Variants in ATR observed in about 807,000 individuals in gnomAD.
The protein encoded by ATR is ATR checkpoint kinase, also known as serine/threonine-protein kinase ATR.
Under a neutral mutation model 305.3 loss-of-function variants are expected in ATR, and 142 were observed. That is an observed-to-expected ratio of 0.47 (90% CI 0.41 to 0.53). The LOEUF (loss-of-function observed/expected upper bound fraction) is 0.53, where lower values mean the gene tolerates loss of function less well. Among genes scored for constraint, ATR ranks in the 20% least tolerant of loss-of-function variants. ATR has a pLI of 0.00. For missense variants in ATR, 2,135 were observed against 3,133.1 expected (o/e 0.68, Z 7.60); for synonymous variants, 1,050 against 1,068.1 (o/e 0.98, Z 0.33).
chr3:142,551,250 C>G (rs1385877410), intron 13 of ATR, among the ~76,000 whole-genome samples: 1 of 151,948 alleles, frequency 6.6e-6, no homozygotes, highest in African/African-American at 2.4e-5. Context: ...TCTCTAAAAC[C>G]CCATCTCTAC....
At chr3:142,450,946 A>G in intron 46 of ATR, 1 of 1,208,980 alleles carries the variant, frequency 8.3e-7, no homozygotes, top group Admixed American at 3.8e-5. Context: ...CACCTCAGAA[A>G]AGAAAAACCC....
rs1314265708 is a variant in ATR at position 142,533,262 on chromosome 3, T to A, written c.3945+1818A>T. Among the ~76,000 whole-genome samples, 3 of 152,272 alleles carry A rather than the reference T, an allele frequency of 2.0e-5. No homozygotes were observed. The East Asian group carries it at 5.8e-4, about 29-fold the overall frequency. The stretch of plus-strand genomic sequence containing the variant: ...GGGAGCTATCATCACACCCCTGTAC[T>A]GGAGAGACCCTGCCTCTAAAAGTAA... On this transcript the variant is annotated intron_variant, in intron 21 of 46. Coordinates refer to ENST00000350721, the MANE Select transcript of ATR (RefSeq NM_001184.4).
chr3:142,538,442 TA>T, intron 19 of ATR, 39 bp downstream of exon 19: 3 of 1,587,278 alleles, frequency 1.9e-6, no homozygotes, highest in Non-Finnish European at 2.6e-6. Context: ...AAATACAGTT[TA>T]AAAAGTTATT....
At chr3:142,472,899 C>G (rs1418757269) in intron 36 of ATR, among the ~76,000 whole-genome samples, 1 of 152,194 alleles carries the variant, frequency 6.6e-6, no homozygotes, top group African/African-American at 2.4e-5. Context: ...CTGAGCCTCT[C>G]AAAGTGCTGG....
intron 45 of ATR, 63 bp downstream of exon 45, chr3:142,457,541 T>C (rs951775769): frequency 1.2e-6 from 2 of 1,600,356 alleles, no homozygotes; most frequent in South Asian, 1.1e-5. Context: ...AACAAACATA[T>C]GTAGGGGCCA....
chr3:142,476,549 T>C (rs1358992772), intron 36 of ATR, among the ~76,000 whole-genome samples: 1 of 152,208 alleles, frequency 6.6e-6, no homozygotes, highest in Non-Finnish European at 1.5e-5. Context: ...CTTTGTTCTT[T>C]TGGCTTAGGA....
chr3:142,466,761 T>C (rs947660773), intron 39 of ATR, among the ~76,000 whole-genome samples: 1 of 152,154 alleles, frequency 6.6e-6, no homozygotes, highest in Non-Finnish European at 1.5e-5. Flanking sequence ...TAATCTATTA[T>C]CAAATATTAG....
chr3:142,496,528 AAGT>A lies in ATR; in HGVS notation c.5739-11_5739-9del, dbSNP rs780524680. 4 of 1,607,860 alleles carry A rather than the reference AAGT, an allele frequency of 2.5e-6. No individual in the cohort carries two copies. The highest frequency in any genetic ancestry group is 1.1e-5 in the South Asian group (1 of 90,926). On this transcript the variant is annotated splice_polypyrimidine_tract_variant and intron_variant, in intron 33 of 46. Coordinates refer to ENST00000350721, the MANE Select transcript of ATR (RefSeq NM_001184.4). ...ATTTCATTGTAATCTGGTCTAAAGG[AAGT>A]AACAACACATTGGTGAGAGAGACCA...
At chr3:142,461,884 C>A (rs1052955685) in intron 42 of ATR, 56 bp downstream of exon 42, 3 of 1,542,306 alleles carry the variant, frequency 1.9e-6, no homozygotes, top group Non-Finnish European at 2.7e-6. Flanking sequence ...CCAATTATAC[C>A]CATATTATAT....
intron 36 of ATR, among the ~76,000 whole-genome samples, chr3:142,480,890 C>T (rs1232076305): frequency 6.6e-6 from 1 of 152,228 alleles, no homozygotes; most frequent in Non-Finnish European, 1.5e-5. Flanking sequence ...CAGAGCCATG[C>T]ACGGGATATA....
chr3:142,515,078 A>T (rs571163363), intron 25 of ATR, among the ~76,000 whole-genome samples: 37 of 152,168 alleles, frequency 2.4e-4, no homozygotes, highest in Non-Finnish European at 7.4e-5. Flanking sequence ...TCTTTTTATT[A>T]TGTAAAAAAC....
At chr3:142,453,091 G>A (rs1180342392) in intron 46 of ATR, 37 bp downstream of exon 46, 2 of 1,613,212 alleles carry the variant, frequency 1.2e-6, no homozygotes, top group Non-Finnish European at 1.7e-6. Context: ...GTAGAGATGA[G>A]GACTACAGCC....
chr3:142,463,694 T>C (rs761797949), intron 41 of ATR, among the ~76,000 whole-genome samples: 7 of 152,214 alleles, frequency 4.6e-5, no homozygotes, highest in African/African-American at 1.7e-4. Context: ...CCAAATAATA[T>C]GTTAAAATAA....
intron 21 of ATR, among the ~76,000 whole-genome samples, chr3:142,532,487 A>G (rs1455415461): frequency 6.6e-6 from 1 of 152,204 alleles, no homozygotes; most frequent in Non-Finnish European, 1.5e-5. Flanking sequence ...CACTGAGCTT[A>G]GAAGTCTTCT....
intron 25 of ATR, among the ~76,000 whole-genome samples, chr3:142,513,966 T>C (rs998079635): frequency 6.6e-6 from 1 of 152,038 alleles, no homozygotes; most frequent in Non-Finnish European, 1.5e-5. Flanking sequence ...TTTCAGTATA[T>C]TCATTAAAAA....
rs772220070 is a variant in ATR, at chr3:142,578,718, G to C, written c.-14C>G. The C allele has an allele frequency of 1.2e-6, 2 of 1,611,090 alleles. No individual in the cohort carries two copies. The highest frequency in any genetic ancestry group is 1.7e-6 in the Non-Finnish European group (2 of 1,179,412). On this transcript the variant is annotated 5_prime_UTR_variant, in exon 1 of 47. Transcript: ENST00000350721. ...ATGTTCCCCCATGCTGAGGCTGCGA[G>C]GCACTAGTCAACCACGCCAACGCGG...
At chr3:142,451,544 A>C in intron 46 of ATR, 1 of 1,359,430 alleles carries the variant, frequency 7.4e-7, no homozygotes, top group Non-Finnish European at 9.6e-7. Context: ...CTATATCCAG[A>C]GTGGGCACTT....
intron 42 of ATR, among the ~76,000 whole-genome samples, chr3:142,459,652 C>T (rs770887542): frequency 2.0e-4 from 30 of 151,830 alleles, no homozygotes; most frequent in Non-Finnish European, 4.0e-4. Context: ...TTTTTTTCAA[C>T]CAAACATGGA....
chr3:142,483,010 C>CTTTTT (rs1227169409), intron 36 of ATR, among the ~76,000 whole-genome samples: 4 of 92,310 alleles, frequency 4.3e-5, no homozygotes, highest in Admixed American at 2.3e-4. Flanking sequence ...TTCTTTCTTT[C>CTTTTT]TTTTTTTTTT....
Sources: allele counts gnomAD v4.1 joint callset (sites outside exome capture counted in the v4.1 genomes callset), GRCh38; gene constraint gnomAD v4.1.1; transcripts MANE v1.5; gene names NCBI Gene and HGNC (gene_info 2026-07-23, HGNC 2026-07-21).